Variants in THRA observed in about 807,000 individuals in gnomAD.
The protein encoded by THRA is thyroid hormone receptor alpha.
Under a neutral mutation model 45.0 loss-of-function variants are expected in THRA, and 13 were observed. That is an observed-to-expected ratio of 0.29 (90% CI 0.19 to 0.46). The LOEUF (loss-of-function observed/expected upper bound fraction) is 0.46. THRA is among the 20% of genes least tolerant of loss of function. The probability of loss-of-function intolerance (pLI) is 1.00; values close to 1 mark genes in which losing one functional copy is unlikely to be tolerated. For synonymous variants in THRA, 195 were observed against 214.0 expected (o/e 0.91, Z 0.78); for missense variants, 278 against 556.1 (o/e 0.50, Z 5.03).
chr17:40,087,914 A>C (rs1258754059), intron 7 of THRA, among the ~76,000 whole-genome samples: 1 of 152,108 alleles, frequency 6.6e-6, no homozygotes, highest in East Asian at 1.9e-4. Flanking sequence ...ATGTGCCACC[A>C]CGCCCAACTA....
intron 4 of THRA, among the ~76,000 whole-genome samples, chr17:40,080,949 C>T (rs141936473): frequency 0.02 from 3,003 of 152,092 alleles, 109 homozygotes; most frequent in African/African-American, 0.069. Context: ...GTCTTGAACT[C>T]CTGACCTCGT....
intron 1 of THRA, among the ~76,000 whole-genome samples, chr17:40,071,359 G>A (rs1986768463): frequency 1.3e-5 from 2 of 152,240 alleles, no homozygotes; most frequent in Admixed American, 6.5e-5. Flanking sequence ...GGACTGCAGA[G>A]TGGGACGGCT....
At chr17:40,070,537 TGGG>T (rs1020971060) in intron 1 of THRA, among the ~76,000 whole-genome samples, 3 of 152,132 alleles carry the variant, frequency 2.0e-5, no homozygotes, top group East Asian at 1.9e-4. Context: ...CGTGTTGGCA[TGGG>T]GGGCAGTGCT....
intron 6 of THRA, 41 bp downstream of exon 6, chr17:40,084,856 G>A: frequency 1.2e-6 from 2 of 1,606,574 alleles, no homozygotes; most frequent in Non-Finnish European, 8.5e-7. Flanking sequence ...TAGCCAGGTG[G>A]CAGGGAGAAG....
chr17:40,093,853 G>C, downstream of THRA: 2 of 1,479,064 alleles, frequency 1.4e-6, no homozygotes, highest in Non-Finnish European at 1.9e-6. This position sits in a 1 kb window ranked among gnomAD's most constrained non-coding sequence, Gnocchi z 5.9. Flanking sequence ...TCCATAAAAG[G>C]TGTGTTGAAT....
At chr17:40,065,388 G>T (rs1986517502) in intron 1 of THRA, among the ~76,000 whole-genome samples, 1 of 152,112 alleles carries the variant, frequency 6.6e-6, no homozygotes, top group Admixed American at 6.6e-5. Flanking sequence ...GAGGCCATCG[G>T]CTGGCGAGTG....
intron 3 of THRA, 133 bp from the exon 4 acceptor site, chr17:40,077,375 A>G: frequency 1.4e-6 from 1 of 710,144 alleles, no homozygotes; most frequent in East Asian, 2.6e-5. Context: ...GTGTCTCTCT[A>G]GGATTCTACC....
At chr17:40,065,393 C>T (rs1598386200) in intron 1 of THRA, among the ~76,000 whole-genome samples, 1 of 152,106 alleles carries the variant, frequency 6.6e-6, no homozygotes, top group African/African-American at 2.4e-5. Flanking sequence ...CATCGGCTGG[C>T]GAGTGTCTGT....
chr17:40,093,810 T>G (rs1016193828), downstream of THRA: 2 of 1,014,326 alleles, frequency 2.0e-6, no homozygotes, highest in Admixed American at 2.0e-5. The surrounding 1 kb of genome is among the most constrained non-coding windows in gnomAD (Gnocchi z 5.9). Flanking sequence ...GTATCCCCAG[T>G]GCCCGGTGCA....
At chr17:40,084,240 G>T in intron 5 of THRA, among the ~76,000 whole-genome samples, 1 of 152,160 alleles carries the variant, frequency 6.6e-6, no homozygotes, top group East Asian at 1.9e-4. Context: ...GGTAGAAAGA[G>T]CTCCTGGGCA....
chr17:40,066,772 G>A (rs1986589894), intron 1 of THRA, among the ~76,000 whole-genome samples: 1 of 152,028 alleles, frequency 6.6e-6, no homozygotes, highest in Non-Finnish European at 1.5e-5. Context: ...TGATCATGAC[G>A]GCCATGATTG....
At chr17:40,079,543 A>G (rs544098129) in intron 4 of THRA, among the ~76,000 whole-genome samples, 1 of 152,226 alleles carries the variant, frequency 6.6e-6, no homozygotes, top group East Asian at 1.9e-4. Context: ...CACTTTGATC[A>G]TTTCAGCCTG....
chr17:40,084,318 TC>T, intron 5 of THRA: 1 of 512,268 alleles, frequency 2.0e-6, no homozygotes, highest in Non-Finnish European at 3.5e-6. Context: ...CAGGGCATCT[TC>T]CATTGGCTGG....
chr17:40,081,017 C>T (rs948280732), intron 4 of THRA, among the ~76,000 whole-genome samples: 1 of 151,468 alleles, frequency 6.6e-6, no homozygotes, highest in East Asian at 2.0e-4. Context: ...CCACCGCACT[C>T]GGCTGCCTTT....
intron 2 of THRA, among the ~76,000 whole-genome samples, chr17:40,075,727 G>T (rs2145058636): frequency 6.6e-6 from 1 of 152,332 alleles, no homozygotes; most frequent in African/African-American, 2.4e-5. Context: ...ACACTCAGAG[G>T]CTGTGAGTCT....
chr17:40,087,492 CACAGCAT>C (rs1987373936), intron 7 of THRA, among the ~76,000 whole-genome samples: 1 of 152,162 alleles, frequency 6.6e-6, no homozygotes, highest in Admixed American at 6.5e-5. Flanking sequence ...GGCACACACA[CACAGCAT>C]ACAGACACAC....
At chr17:40,076,821 G>T (rs1234155181) in intron 2 of THRA, 50 bp from the exon 3 acceptor site, 6 of 1,588,544 alleles carry the variant, frequency 3.8e-6, no homozygotes, top group Non-Finnish European at 5.2e-6. Context: ...GATGAGAAAG[G>T]GGCTACTCGA....
chr17:40,086,594 C>G (rs1290205677), intron 6 of THRA, 113 bp from the exon 7 acceptor site: 5 of 1,364,038 alleles, frequency 3.7e-6, no homozygotes, highest in Middle Eastern at 1.9e-4. Context: ...GACTCAGGCA[C>G]GGGCGGCCCC....
chr17:40,084,709 G>T lies in THRA; in HGVS notation c.470G>T (p.Arg157Leu). 1 of 1,614,004 alleles carries T rather than the reference G, an allele frequency of 6.2e-7. No individual in the cohort carries two copies. The highest frequency in any genetic ancestry group is 1.1e-5 in the South Asian group (1 of 91,050). The change falls in exon 6 of 9, where the codon CGA (arginine) becomes CTA (leucine). Residue 157 changes from arginine (R) to leucine (L), a missense_variant. By Grantham distance (102) the Arg-to-Leu change is moderately radical. Transcript: ENST00000450525. Reference sequence around the variant, plus strand: ...GAGATGATCCGATCACTGCAGCAGCGACCAGAGCCCACTCCTGAAGAGTGG... The same window carrying T: ...GAGATGATCCGATCACTGCAGCAGCTACCAGAGCCCACTCCTGAAGAGTGG... ...KEEMIRSLQQ[R>L]PEPTPEEWDL...
Sources: allele counts gnomAD v4.1 joint callset (sites outside exome capture counted in the v4.1 genomes callset), GRCh38; gene constraint gnomAD v4.1.1; non-coding constraint Gnocchi (gnomAD v3.1); transcripts MANE v1.5; gene names NCBI Gene and HGNC (gene_info 2026-07-23, HGNC 2026-07-21).